The following CADPS variants were observed in gnomAD, a reference collection of about 807,000 sequenced individuals.
CADPS encodes calcium-dependent secretion activator 1.
CADPS carries 57 observed loss-of-function variants against 167.3 expected under a neutral mutation model. That is an observed-to-expected ratio of 0.34 (90% CI 0.28 to 0.42). The LOEUF (loss-of-function observed/expected upper bound fraction) is 0.42. Ranked by LOEUF, CADPS falls within the 20% of genes least tolerant of loss-of-function variation. The pLI is 1.00. For synonymous variants in CADPS, 676 were observed against 635.3 expected (o/e 1.06, Z -0.96); for missense variants, 1,414 against 1,738.1 (o/e 0.81, Z 3.32).
At chr3:62,866,865 GAAGTA>G (rs1195781285) in intron 1 of CADPS, among the ~76,000 whole-genome samples, 1 of 151,942 alleles carries the variant, frequency 6.6e-6, no homozygotes, top group African/African-American at 2.4e-5. Flanking sequence ...AGGAAACTAA[GAAGTA>G]AAGACATGGA....
chr3:62,718,805 G>C (rs758249872), intron 3 of CADPS, among the ~76,000 whole-genome samples: 6 of 152,218 alleles, frequency 3.9e-5, no homozygotes, highest in Admixed American at 1.3e-4. Flanking sequence ...TGCTGTGCGT[G>C]GATATCACAT....
At chr3:62,833,016 T>C (rs1267497095) in intron 1 of CADPS, among the ~76,000 whole-genome samples, 1 of 152,200 alleles carries the variant, frequency 6.6e-6, no homozygotes, top group Admixed American at 6.5e-5. Context: ...CACAGTTGTA[T>C]GTCTGAAATT....
At chr3:62,836,372 C>T (rs1464195187) in intron 1 of CADPS, among the ~76,000 whole-genome samples, 2 of 152,136 alleles carry the variant, frequency 1.3e-5, no homozygotes, top group African/African-American at 2.4e-5. Context: ...TCCCTGTCCT[C>T]CAATAGCACT....
rs1327106192 is a variant in CADPS at position 62,599,775 on chromosome 3, A to AT, written c.1326-7028dup. The stretch of plus-strand genomic sequence containing the variant: ...ATTATATATATTGTATATATAATAT[A>AT]TATATTATATATAATATATATAATA... On this transcript the variant is annotated intron_variant, in intron 6 of 29. Coordinates refer to ENST00000383710, the MANE Select transcript of CADPS (RefSeq NM_003716.4). Among the ~76,000 whole-genome samples the AT allele has an allele frequency of 2.9e-3, 6 of 2,034 alleles. 1 individual carries two copies. Among genetic ancestry groups the AT allele is most frequent in the East Asian group, 0.1 (1 of 10 alleles). 1.3% of individuals were successfully genotyped at this position (2,034 alleles called of 152,430 possible). A position where few individuals can be genotyped will look rare whatever the true frequency, so the allele number is the denominator to read the frequency against.
chr3:62,474,166 T>C lies in CADPS; in HGVS notation c.3477+7A>G, dbSNP rs566908931. Reference sequence around the variant, plus strand: ...AAAAAAATCTGTATTTTTTTTTTTTTTTTTACCTCTTGGCCCATTTCCATG... The same window carrying C: ...AAAAAAATCTGTATTTTTTTTTTTTCTTTTACCTCTTGGCCCATTTCCATG... On this transcript the variant is annotated splice_region_variant and intron_variant, in intron 24 of 29. Coordinates refer to ENST00000383710, the MANE Select transcript of CADPS (RefSeq NM_003716.4). 1.5e-4 allele frequency: 213 copies of C among 1,455,770 alleles called. 7 individuals carry two copies. In the South Asian group the frequency reaches 2.9e-3, roughly 20 times the overall value. 90.2% of individuals were successfully genotyped at this position (1,455,770 alleles called of 1,614,324 possible). A position where few individuals can be genotyped will look rare whatever the true frequency, so the allele number is the denominator to read the frequency against.
chr3:62,707,317 C>T (rs74819870), intron 3 of CADPS, among the ~76,000 whole-genome samples: 3,671 of 152,172 alleles, frequency 0.024, 154 homozygotes, highest in African/African-American at 0.085. Context: ...CATCCCAAAG[C>T]CATCCCCTGC....
intron 1 of CADPS, among the ~76,000 whole-genome samples, chr3:62,852,621 GC>G (rs1428305351): frequency 1.3e-5 from 2 of 151,082 alleles, no homozygotes; most frequent in African/African-American, 4.9e-5. Flanking sequence ...AAAAAAGCTG[GC>G]CCAGGTGGTC....
intron 26 of CADPS, among the ~76,000 whole-genome samples, chr3:62,456,030 G>T (rs1299059018): frequency 6.6e-6 from 1 of 151,986 alleles, no homozygotes; most frequent in African/African-American, 2.4e-5. Context: ...ATTTTCTCAG[G>T]TAAAGAGTGA....
chr3:62,700,165 G>A (rs996297380), intron 3 of CADPS, among the ~76,000 whole-genome samples: 1 of 152,028 alleles, frequency 6.6e-6, no homozygotes, highest in Non-Finnish European at 1.5e-5. Context: ...AAGACCTATG[G>A]TAAGAAATAT....
At position 62,860,067 on chromosome 3, in the gene CADPS, T is replaced by C. The variant is rs557347134; in HGVS notation, c.441+14522A>G. ...ACATTCAGTGTTTACCGCTACCTGA[T>C]CCTAAGCTACCTTTCCGATCATGTG... is the stretch of plus-strand genomic sequence containing the variant. On this transcript the variant is annotated intron_variant, in intron 1 of 29. Transcript: ENST00000383710. 2.0e-5 allele frequency among the ~76,000 whole-genome samples: 3 copies of C among 152,324 alleles called. No homozygotes were observed. The East Asian group carries it at 5.8e-4, about 29-fold the overall frequency.
At chr3:62,733,843 C>T (rs555273) in intron 3 of CADPS, among the ~76,000 whole-genome samples, 1 of 151,914 alleles carries the variant, frequency 6.6e-6, no homozygotes, top group Non-Finnish European at 1.5e-5. Context: ...CTTACCCCAA[C>T]TCCTACCCTT....
chr3:62,451,562 G>C (rs1045260985), intron 26 of CADPS, among the ~76,000 whole-genome samples: 4 of 151,556 alleles, frequency 2.6e-5, no homozygotes, highest in Admixed American at 2.0e-4. Flanking sequence ...AGTCTGAACA[G>C]ATACCACCGC....
At chr3:62,737,156 AC>A (rs2079139016) in intron 3 of CADPS, among the ~76,000 whole-genome samples, 1 of 151,912 alleles carries the variant, frequency 6.6e-6, no homozygotes, top group South Asian at 2.1e-4. Flanking sequence ...AACAAAACAA[AC>A]AAACACACAC....
Position 62,406,092 on chromosome 3 carries a change from G to A in CADPS, c.3778-2907C>T, listed in dbSNP as rs1025602905. ...GCATTGAAAGAGCGGACTGTCTTCC[G>A]TTCCTCCTCCCTAAGGGATGGAGCA... On this transcript the variant is annotated intron_variant, in intron 28 of 29. Coordinates refer to ENST00000383710, the MANE Select transcript of CADPS (RefSeq NM_003716.4). 5.3e-5 allele frequency among the ~76,000 whole-genome samples: 8 copies of A among 152,190 alleles called. No homozygotes were observed. In the South Asian group the frequency reaches 1.4e-3, roughly 28 times the overall value.
chr3:62,763,033 C>T (rs768701404), intron 2 of CADPS, among the ~76,000 whole-genome samples: 2 of 152,036 alleles, frequency 1.3e-5, no homozygotes, highest in African/African-American at 2.4e-5. Context: ...ATATATTCCC[C>T]GTTTTGGTAA....
intron 9 of CADPS, among the ~76,000 whole-genome samples, chr3:62,569,353 C>T (rs1003972338): frequency 2.0e-5 from 3 of 152,202 alleles, no homozygotes; most frequent in South Asian, 2.1e-4. Flanking sequence ...CCACCCGTCT[C>T]GGCTTCCCAA....
In CADPS at chr3:62,602,279, G is replaced by T. The variant is rs539001031; in HGVS notation, c.1326-9531C>A. 5.7e-4 allele frequency among the ~76,000 whole-genome samples: 86 copies of T among 150,390 alleles called. 2 individuals carry two copies. The highest frequency in any genetic ancestry group is 5.3e-4 in the Admixed American group (8 of 14,994). On this transcript the variant is annotated intron_variant, in intron 6 of 29. Coordinates refer to ENST00000383710, the MANE Select transcript of CADPS (RefSeq NM_003716.4). This position sits in a 1 kb window ranked among gnomAD's most constrained non-coding sequence, Gnocchi z 4.4. The stretch of plus-strand genomic sequence containing the variant: ...GTTGGTGCTGGGGTCGGGGGTGGGG[G>T]GATGTCATTAGTTGCCATGGTGATG...
intron 3 of CADPS, among the ~76,000 whole-genome samples, chr3:62,715,027 G>C (rs980210227): frequency 4.6e-5 from 7 of 152,134 alleles, no homozygotes; most frequent in African/African-American, 1.7e-4. Flanking sequence ...GCATCATAAC[G>C]GTTTCCTGCC....
At chr3:62,840,398 A>G (rs1577141628) in intron 1 of CADPS, among the ~76,000 whole-genome samples, 1 of 152,356 alleles carries the variant, frequency 6.6e-6, no homozygotes, top group East Asian at 1.9e-4. Context: ...TAATAATGAG[A>G]AGACAGTTAT....
Sources: gnomAD v4.1 joint callset for allele counts (sites outside exome capture counted in the v4.1 genomes callset) on GRCh38, gnomAD v4.1.1 for gene constraint, Gnocchi (gnomAD v3.1) non-coding constraint, MANE v1.5 for transcripts, NCBI Gene and HGNC (gene_info 2026-07-23, HGNC 2026-07-21) for gene names.